PHOSPHO1: variants seen among roughly 807,000 people sequenced by gnomAD.
PHOSPHO1 encodes the protein phosphoethanolamine/phosphocholine phosphatase 1, also known as phosphoethanolamine/phosphocholine phosphatase.
PHOSPHO1 carries 6 observed loss-of-function variants against 17.7 expected under a neutral mutation model. That is an observed-to-expected ratio of 0.34 (90% CI 0.19 to 0.67). PHOSPHO1 has a LOEUF of 0.67. Among genes scored for constraint, PHOSPHO1 ranks in the 30% least tolerant of loss-of-function variants. The pLI is 0.69. For synonymous variants in PHOSPHO1, 159 were observed against 174.6 expected (o/e 0.91, Z 0.71); for missense variants, 330 against 392.1 (o/e 0.84, Z 1.34).
At chr17:49,228,147 T>TA (rs2043373994) in intron 1 of PHOSPHO1, among the ~76,000 whole-genome samples, 2 of 152,242 alleles carry the variant, frequency 1.3e-5, no homozygotes, top group East Asian at 3.9e-4. Flanking sequence ...AAGGGGTAGA[T>TA]ACAAAGATTC....
chr17:49,223,381 CT>C lies in PHOSPHO1; in HGVS notation c.*864del. On this transcript the variant is annotated 3_prime_UTR_variant, in exon 3 of 3. Coordinates refer to ENST00000310544, the MANE Select transcript of PHOSPHO1 (RefSeq NM_178500.4). The stretch of plus-strand genomic sequence containing the variant: ...CAGTCATTTCTTCCCCCTTCACCTC[CT>C]TTATAGTTGTAAAACACCAGAGGAA... The C allele has an allele frequency of 6.7e-6, 1 of 149,298 alleles. No homozygotes were observed. Among genetic ancestry groups the C allele is most frequent in the Non-Finnish European group, 1.4e-5 (1 of 70,894 alleles). The allele number at this position is 149,298 out of a possible 1,614,324, so 9.2% of individuals were successfully genotyped here. A position where few individuals can be genotyped will look rare whatever the true frequency, so the allele number is the denominator to read the frequency against.
rs999231822 is a variant in PHOSPHO1 at position 49,228,242 on chromosome 17, C to T, written c.-67-1484G>A. On this transcript the variant is annotated intron_variant, in intron 1 of 2. Coordinates refer to ENST00000310544, the MANE Select transcript of PHOSPHO1 (RefSeq NM_178500.4). ...TACTTTGCCCTTCCTTCCTTCCTGTCTCTCTCCTTCCTTCCTTCCTTCCTT... is the reference window on the plus strand; with the variant it reads ...TACTTTGCCCTTCCTTCCTTCCTGTTTCTCTCCTTCCTTCCTTCCTTCCTT... Among the ~76,000 whole-genome samples, 300 of 126,774 alleles carry T rather than the reference C, an allele frequency of 2.4e-3. 1 individual carries two copies. The highest frequency in any genetic ancestry group is 3.9e-3 in the Middle Eastern group (1 of 256). The allele number at this position is 126,774 out of a possible 152,430, so 83.2% of individuals were successfully genotyped here.
At chr17:49,225,630 C>A in intron 2 of PHOSPHO1, 1 of 1,292,284 alleles carries the variant, frequency 7.7e-7, no homozygotes, top group Non-Finnish European at 1.0e-6. Context: ...GGGCCCTGTG[C>A]TGACAGCTCA....
intron 1 of PHOSPHO1, 149 bp downstream of exon 1, chr17:49,230,319 G>A (rs551589935): frequency 1.3e-5 from 2 of 152,342 alleles, no homozygotes; most frequent in East Asian, 3.9e-4. Flanking sequence ...CCAGCACTAT[G>A]TTCCTGGGTA....
chr17:49,229,093 GTTTC>G (rs1169584814), intron 1 of PHOSPHO1: 11 of 152,178 alleles, frequency 7.2e-5, no homozygotes, highest in African/African-American at 2.7e-4. Flanking sequence ...AGTTGCCCTT[GTTTC>G]TTTCAGTCTC....
Position 49,226,731 on chromosome 17 carries a change from G to A in PHOSPHO1, c.-40C>T, listed in dbSNP as rs1200925202. 2 of 1,612,740 alleles carry A rather than the reference G, an allele frequency of 1.2e-6. No individual in the cohort carries two copies. Among genetic ancestry groups the A allele is most frequent in the East Asian group, 4.5e-5 (2 of 44,882 alleles). ...CGTGAGCACCACCTGTAGGGACTCT[G>A]TTGGCCTCCAGCCGTCGTCACACGT... On this transcript the variant is annotated 5_prime_UTR_variant, in exon 2 of 3. Coordinates refer to ENST00000310544, the MANE Select transcript of PHOSPHO1 (RefSeq NM_178500.4).
chr17:49,225,685 T>G (rs1328124301), intron 2 of PHOSPHO1: 5 of 1,289,128 alleles, frequency 3.9e-6, no homozygotes, highest in Non-Finnish European at 5.1e-6. Flanking sequence ...TGTCAGCAGG[T>G]GGGGTTTCTG....
At chr17:49,228,299 CCTT>C in intron 1 of PHOSPHO1, among the ~76,000 whole-genome samples, 1 of 73,898 alleles carries the variant, frequency 1.4e-5, no homozygotes, top group East Asian at 4.2e-4. Flanking sequence ...CTTCCTTCCT[CCTT>C]CCTTCCTTCC....
intron 1 of PHOSPHO1, among the ~76,000 whole-genome samples, chr17:49,229,946 G>A (rs1460810330): frequency 6.6e-6 from 1 of 152,196 alleles, no homozygotes; most frequent in Non-Finnish European, 1.5e-5. Context: ...TGGCCCTGGA[G>A]ACTCCAGTGG....
chr17:49,224,939 G>T lies in PHOSPHO1; in HGVS notation c.111C>A (p.Ile37=). 1 of 1,589,446 alleles carries T rather than the reference G, an allele frequency of 6.3e-7. No individual in the cohort carries two copies. The highest frequency in any genetic ancestry group is 1.3e-5 in the African/African-American group (1 of 74,556). ...FLLTFDFDET[I]VDENSDDSIV... ...TCGAATCGTCGCTGTTTTCGTCCACGATAGTCTCGTCGAAGTCGAAGGTCA... is the reference window on the plus strand; with the variant it reads ...TCGAATCGTCGCTGTTTTCGTCCACTATAGTCTCGTCGAAGTCGAAGGTCA... The change falls in exon 3 of 3, where the codon ATC becomes ATA. Residue 37 remains isoleucine, a synonymous_variant. Transcript: ENST00000310544.
Position 49,226,836 on chromosome 17 carries a change from G to A in PHOSPHO1, c.-67-78C>T, listed in dbSNP as rs1462272689. On this transcript the variant is annotated intron_variant, in intron 1 of 2. Coordinates refer to ENST00000310544, the MANE Select transcript of PHOSPHO1 (RefSeq NM_178500.4). ...CACCAGGAATACCCACCTGGCCCTG[G>A]TCCTTCTGCTGAGCTACAGGAGGCA... The A allele has an allele frequency of 4.6e-6, 4 of 862,900 alleles. No homozygotes were observed. The African/African-American group carries it at 6.7e-5, about 14-fold the overall frequency. The allele number at this position is 862,900 out of a possible 1,614,324, so 53.5% of individuals were successfully genotyped here.
At chr17:49,226,504 C>A in intron 2 of PHOSPHO1, 143 bp downstream of exon 2, 1 of 845,296 alleles carries the variant, frequency 1.2e-6, no homozygotes. Context: ...ATGGAAGCTT[C>A]TAGGAATTAA....
chr17:49,225,896 T>C, intron 2 of PHOSPHO1: 1 of 1,147,392 alleles, frequency 8.7e-7, no homozygotes, highest in Non-Finnish European at 1.1e-6. Flanking sequence ...GAGGAGGTCA[T>C]TCTAGGGGAT....
chr17:49,225,197 C>T, intron 2 of PHOSPHO1, 193 bp from the exon 3 acceptor site: 2 of 1,426,536 alleles, frequency 1.4e-6, no homozygotes, highest in Non-Finnish European at 1.8e-6. Flanking sequence ...TATCCCCAGC[C>T]TTCCCTGACT....
At chr17:49,230,135 G>A (rs2043398550) in intron 1 of PHOSPHO1, among the ~76,000 whole-genome samples, 1 of 152,146 alleles carries the variant, frequency 6.6e-6, no homozygotes, top group Non-Finnish European at 1.5e-5. Context: ...GGTTGGGGGA[G>A]AGATATTTTT....
rs1443069319 is a variant in PHOSPHO1 at position 49,224,891 on chromosome 17, C to T, written c.159G>A (p.Gln53=). Reference sequence around the variant, plus strand: ...TGGCTCGCAGGCTCTCCGGGAGCCGCTGGCCCGGCGCGGCGCGCACGATCG... The same window carrying T: ...TGGCTCGCAGGCTCTCCGGGAGCCGTTGGCCCGGCGCGGCGCGCACGATCG... ...DDSIVRAAPG[Q]RLPESLRATY... The change falls in exon 3 of 3, where the codon CAG becomes CAA. Residue 53 remains glutamine (Q), a synonymous_variant. Coordinates refer to ENST00000310544, the MANE Select transcript of PHOSPHO1 (RefSeq NM_178500.4). The T allele has an allele frequency of 1.2e-6, 2 of 1,603,478 alleles. No individual in the cohort carries two copies. Among genetic ancestry groups the T allele is most frequent in the Middle Eastern group, 1.7e-4 (1 of 6,056 alleles).
Position 49,224,298 on chromosome 17 carries a change from T to G in PHOSPHO1, c.752A>C (p.Glu251Ala). The change falls in exon 3 of 3, where the codon GAA becomes GCA. Residue 251 changes from glutamate to alanine, a missense_variant. Glu to Ala is a moderately radical substitution (Grantham distance 107). Coordinates refer to ENST00000310544, the MANE Select transcript of PHOSPHO1 (RefSeq NM_178500.4). ...SSFRASVVPW[E>A]TAADVRLHLQ... ...GTGGAGGCGCACATCTGCAGCCGTT[T>G]CCCAGGGCACCACGCTGGCGCGGAA... 1 of 1,598,166 alleles carries G rather than the reference T, an allele frequency of 6.3e-7. No individual in the cohort carries two copies. The highest frequency in any genetic ancestry group is 8.5e-7 in the Non-Finnish European group (1 of 1,176,208).
At chr17:49,230,216 G>A (rs562838620) in intron 1 of PHOSPHO1, among the ~76,000 whole-genome samples, 2 of 152,246 alleles carry the variant, frequency 1.3e-5, no homozygotes, top group Admixed American at 6.5e-5. Context: ...TGCGGGCGGG[G>A]GGTGCGCGGC....
rs1468237666 is a variant in PHOSPHO1, at chr17:49,225,072, A to AGCCC, written c.46-72_46-69dup. ...GGCAAGCGAGAGGGGGCGCGGCAGG[A>AGCCC]GCCCGCCCGGGAGAGGCTGGTTAGC... is the stretch of plus-strand genomic sequence containing the variant. On this transcript the variant is annotated intron_variant, in intron 2 of 2. Coordinates refer to ENST00000310544, the MANE Select transcript of PHOSPHO1 (RefSeq NM_178500.4). The AGCCC allele has an allele frequency of 1.3e-5, 19 of 1,445,608 alleles. 1 individual carries two copies. The highest frequency in any genetic ancestry group is 6.3e-6 in the Non-Finnish European group (7 of 1,105,190). The allele number at this position is 1,445,608 out of a possible 1,614,324, so 89.5% of individuals were successfully genotyped here.
Sources: allele counts gnomAD v4.1 joint callset (sites outside exome capture counted in the v4.1 genomes callset), GRCh38; gene constraint gnomAD v4.1.1; transcripts MANE v1.5; gene names NCBI Gene and HGNC (gene_info 2026-07-23, HGNC 2026-07-21).